SGCE: variants seen among roughly 807,000 people sequenced by gnomAD.
The protein encoded by SGCE is sarcoglycan epsilon, also known as epsilon-sarcoglycan.
In SGCE, 26 loss-of-function variants were observed where a neutral mutation model predicts 57.8. The ratio of observed to expected loss-of-function variants is 0.45; its 90% CI spans 0.33 to 0.62. The LOEUF is 0.62. SGCE is among the 20% of genes least tolerant of loss of function. The pLI, the probability that SGCE is intolerant of heterozygous loss-of-function variation, is 0.02. For synonymous variants in SGCE, 183 were observed against 189.5 expected (o/e 0.97, Z 0.28); for missense variants, 468 against 548.6 (o/e 0.85, Z 1.47).
At chr7:94,594,652 T>C (rs1363385921) in intron 9 of SGCE, 2 of 152,138 alleles carry the variant, frequency 1.3e-5, no homozygotes, top group Admixed American at 6.6e-5. Flanking sequence ...TTGTGACAAA[T>C]GTACCATGGT....
chr7:94,648,641 C>T (rs1335586530), intron 1 of SGCE, among the ~76,000 whole-genome samples: 7 of 152,038 alleles, frequency 4.6e-5, no homozygotes, highest in Admixed American at 3.9e-4. Flanking sequence ...TGAGAATGAA[C>T]CCAGTAACTA....
chr7:94,588,330 C>A, intron 10 of SGCE: 1 of 1,081,484 alleles, frequency 9.2e-7, no homozygotes, highest in Non-Finnish European at 1.1e-6. Context: ...CTTGAAACTT[C>A]AAGCTGCTCA....
At chr7:94,652,408 T>G (rs1808031493) in intron 1 of SGCE, among the ~76,000 whole-genome samples, 1 of 152,204 alleles carries the variant, frequency 6.6e-6, no homozygotes, top group Admixed American at 6.5e-5. Context: ...CTATAAATAC[T>G]GCACTTATTA....
rs890875355 is a variant in SGCE at position 94,623,470 on chromosome 7, T to A, written c.391-73A>T. ...AAATGAAATTCATTAAGGATTAAAA[T>A]GAAAACAAATTGTCATTCTTTCCAT... On this transcript the variant is annotated intron_variant, in intron 3 of 10. Transcript: ENST00000648936. 16 of 940,182 alleles carry A rather than the reference T, an allele frequency of 1.7e-5. No individual in the cohort carries two copies. The East Asian group carries it at 3.8e-4, about 22-fold the overall frequency. 58.2% of individuals were successfully genotyped at this position (940,182 alleles called of 1,614,324 possible).
chr7:94,628,673 C>T (rs1228725484), intron 2 of SGCE: 2 of 341,162 alleles, frequency 5.9e-6, no homozygotes, highest in Non-Finnish European at 1.1e-5. Context: ...GGAGAATTCC[C>T]TAATCATGCT....
intron 1 of SGCE, among the ~76,000 whole-genome samples, chr7:94,646,355 T>A (rs1379960272): frequency 1.3e-5 from 2 of 152,192 alleles, no homozygotes; most frequent in African/African-American, 4.8e-5. Context: ...TTTGACAGAA[T>A]AGTTAATGGA....
At chr7:94,587,984 G>A (rs1287303015) in intron 10 of SGCE, 7 of 1,409,166 alleles carry the variant, frequency 5.0e-6, no homozygotes, top group Non-Finnish European at 6.4e-6. Flanking sequence ...AACTTCTCTT[G>A]CTTTTCCAAA....
intron 5 of SGCE, among the ~76,000 whole-genome samples, chr7:94,608,058 C>T (rs1800428367): frequency 6.6e-6 from 1 of 152,104 alleles, no homozygotes; most frequent in East Asian, 1.9e-4. Flanking sequence ...AAATTAAAAA[C>T]AGAGGCCGGG....
chr7:94,629,694 T>C (rs1804362938), intron 2 of SGCE, 25 bp downstream of exon 2: 1 of 1,603,886 alleles, frequency 6.2e-7, no homozygotes, highest in African/African-American at 1.3e-5. Flanking sequence ...CGTTAACTGC[T>C]TTTTTTTCCT....
intron 3 of SGCE, chr7:94,627,654 C>T (rs1436380554): frequency 6.5e-6 from 1 of 152,678 alleles, no homozygotes; most frequent in Admixed American, 6.5e-5. Flanking sequence ...TCTTTACCTT[C>T]TTACAACTCT....
At chr7:94,631,396 A>G (rs1804702767) in intron 1 of SGCE, among the ~76,000 whole-genome samples, 1 of 151,888 alleles carries the variant, frequency 6.6e-6, no homozygotes, top group Admixed American at 6.6e-5. Context: ...GCTTTCCAGG[A>G]GTTCACCATC....
At chr7:94,653,703 G>A (rs975011906) in intron 1 of SGCE, among the ~76,000 whole-genome samples, 1 of 151,708 alleles carries the variant, frequency 6.6e-6, no homozygotes, top group East Asian at 1.9e-4. Flanking sequence ...ATATATTGAT[G>A]CTGTTTTTTC....
At chr7:94,615,252 AGGAGGT>A (rs1193124411) in intron 5 of SGCE, among the ~76,000 whole-genome samples, 4 of 152,108 alleles carry the variant, frequency 2.6e-5, no homozygotes, top group African/African-American at 9.7e-5. Context: ...TCAGCTAATC[AGGAGGT>A]TGAGGCAGGA....
At chr7:94,596,352 C>G (rs367615510) in intron 9 of SGCE, among the ~76,000 whole-genome samples, 154 of 152,252 alleles carry the variant, frequency 1.0e-3, no homozygotes, top group South Asian at 8.3e-3. Context: ...AAAATGACAG[C>G]AACCTTTTTC....
At chr7:94,633,928 C>T (rs1317373728) in intron 1 of SGCE, among the ~76,000 whole-genome samples, 1 of 152,114 alleles carries the variant, frequency 6.6e-6, no homozygotes, top group Admixed American at 6.6e-5. Flanking sequence ...AGAACACTTG[C>T]CAGTTCTTTT....
At position 94,623,410 on chromosome 7, in the gene SGCE, G is replaced by A. The variant is rs1803147889; in HGVS notation, c.391-13C>T. 1 of 1,547,686 alleles carries A rather than the reference G, an allele frequency of 6.5e-7. No individual in the cohort carries two copies. The highest frequency in any genetic ancestry group is 8.9e-7 in the Non-Finnish European group (1 of 1,122,950). On this transcript the variant is annotated splice_polypyrimidine_tract_variant and intron_variant, in intron 3 of 10. Coordinates refer to ENST00000648936, the MANE Select transcript of SGCE (RefSeq NM_003919.3). ...TGTAGGCAGTTATCTATTATAAAAG[G>A]AAAACCATATTAAAGAAGTGAAATG... is the stretch of plus-strand genomic sequence containing the variant.
intron 5 of SGCE, among the ~76,000 whole-genome samples, chr7:94,610,542 CTAAAACTA>C (rs1285971865): frequency 2.0e-5 from 3 of 152,010 alleles, no homozygotes; most frequent in African/African-American, 7.2e-5. Context: ...ACTTTAAGAG[CTAAAACTA>C]TTAAACTCTG....
At chr7:94,633,839 A>G (rs998177882) in intron 1 of SGCE, among the ~76,000 whole-genome samples, 9 of 152,290 alleles carry the variant, frequency 5.9e-5, no homozygotes, top group South Asian at 2.1e-4. Context: ...TAACTTCACA[A>G]TTCTCACAAT....
chr7:94,585,690 G>T lies in SGCE; in HGVS notation c.1298-175C>A, dbSNP rs569633340. ...TTTTTTTAAAAAACAGAAAACAAAA[G>T]AAAAAATTCTAAATTAGTCTTCTCC... On this transcript the variant is annotated intron_variant, in intron 10 of 10. Coordinates refer to ENST00000648936, the MANE Select transcript of SGCE (RefSeq NM_003919.3). Among the ~76,000 whole-genome samples the T allele has an allele frequency of 2.0e-5, 3 of 152,062 alleles. No homozygotes were observed. In the South Asian group the frequency reaches 6.2e-4, roughly 32 times the overall value.
Sources: gnomAD v4.1 joint callset for allele counts (sites outside exome capture counted in the v4.1 genomes callset) on GRCh38, gnomAD v4.1.1 for gene constraint, MANE v1.5 for transcripts, NCBI Gene and HGNC (gene_info 2026-07-23, HGNC 2026-07-21) for gene names.